The following SLC1A2 variants were observed in gnomAD, a reference collection of about 807,000 sequenced individuals.
SLC1A2 encodes solute carrier family 1 member 2.
In SLC1A2, 15 loss-of-function variants were observed where a neutral mutation model predicts 48.8. That is an observed-to-expected ratio of 0.31 (90% CI 0.21 to 0.47). SLC1A2 has a LOEUF of 0.47. Among genes scored for constraint, SLC1A2 ranks in the 20% least tolerant of loss-of-function variants. The probability of loss-of-function intolerance (pLI) is 0.99; values close to 1 mark genes in which losing one functional copy is unlikely to be tolerated. For synonymous variants in SLC1A2, 279 were observed against 272.6 expected (o/e 1.02, Z -0.23); for missense variants, 502 against 730.5 (o/e 0.69, Z 3.61).
At chr11:35,412,083 A>G (rs192153596) in intron 1 of SLC1A2, among the ~76,000 whole-genome samples, 2 of 151,874 alleles carry the variant, frequency 1.3e-5, no homozygotes, top group Admixed American at 6.5e-5. Flanking sequence ...CAAAGGAAGG[A>G]TCCATGAAAT....
At chr11:35,272,536 A>C (rs1376610619) in intron 9 of SLC1A2, among the ~76,000 whole-genome samples, 2 of 152,148 alleles carry the variant, frequency 1.3e-5, no homozygotes, top group Non-Finnish European at 2.9e-5. Flanking sequence ...GGAATGTCTG[A>C]CCAACTCTGG....
At chr11:35,281,087 G>C (rs1591422184) in intron 8 of SLC1A2, 86 bp from the exon 9 acceptor site, 1 of 1,435,982 alleles carries the variant, frequency 7.0e-7, no homozygotes. Flanking sequence ...TAATTTTCCT[G>C]CAGCCATAAA....
chr11:35,337,526 A>G (rs1003527506), intron 1 of SLC1A2, among the ~76,000 whole-genome samples: 2 of 152,146 alleles, frequency 1.3e-5, no homozygotes, highest in South Asian at 4.1e-4. Flanking sequence ...CACACTACTC[A>G]GTATGGATCC....
rs140740065 is a variant in SLC1A2, at chr11:35,384,102, T to C, written c.17+34848A>G. ...TTTGGTTGCTTGAAAGAGAAATACG[T>C]TCACCCTAGTGCAAATAAAAGAGGA... On this transcript the variant is annotated intron_variant, in intron 1 of 10. Coordinates refer to ENST00000278379, the MANE Select transcript of SLC1A2 (RefSeq NM_004171.4). 3.6e-3 allele frequency among the ~76,000 whole-genome samples: 553 copies of C among 152,286 alleles called. 5 individuals are homozygous for C. Among genetic ancestry groups the C allele is most frequent in the African/African-American group, 0.013 (524 of 41,560 alleles).
At chr11:35,305,759 A>G (rs985400298) in intron 5 of SLC1A2, among the ~76,000 whole-genome samples, 3 of 152,206 alleles carry the variant, frequency 2.0e-5, no homozygotes, top group African/African-American at 7.2e-5. Context: ...GTGTCACTTA[A>G]TAACACAGAG....
At chr11:35,331,217 C>G (rs920801364) in intron 1 of SLC1A2, among the ~76,000 whole-genome samples, 1 of 152,206 alleles carries the variant, frequency 6.6e-6, no homozygotes, top group East Asian at 1.9e-4. Flanking sequence ...GAAATGCAGA[C>G]CAAAGTAACA....
intron 1 of SLC1A2, chr11:35,380,233 G>A (rs1854378296): frequency 2.5e-6 from 1 of 396,856 alleles, no homozygotes; most frequent in African/African-American, 2.1e-5. Context: ...CTGCAGTCCT[G>A]TGAAATGAAA....
At chr11:35,281,061 T>C (rs546747729) in intron 8 of SLC1A2, 60 bp from the exon 9 acceptor site, 12 of 1,472,756 alleles carry the variant, frequency 8.1e-6, no homozygotes, top group African/African-American at 7.1e-5. Flanking sequence ...AAACCAACCC[T>C]GGCAATTTTA....
intron 4 of SLC1A2, among the ~76,000 whole-genome samples, chr11:35,310,287 C>G (rs536802483): frequency 6.6e-6 from 1 of 152,330 alleles, no homozygotes; most frequent in Non-Finnish European, 1.5e-5. Context: ...CCAGAATGCT[C>G]TTTCCAAAAT....
chr11:35,298,465 G>C (rs190059693), intron 6 of SLC1A2: 1 of 152,290 alleles, frequency 6.6e-6, no homozygotes, highest in African/African-American at 2.4e-5. Flanking sequence ...TTAAAGAGTA[G>C]TTGACTGTTT....
intron 1 of SLC1A2, among the ~76,000 whole-genome samples, chr11:35,417,336 T>A (rs909074879): frequency 1.3e-5 from 2 of 152,348 alleles, no homozygotes; most frequent in South Asian, 4.1e-4. Flanking sequence ...CCTCTCCTTC[T>A]CTATCTGGCC....
At chr11:35,286,110 A>C (rs1316435030) in intron 8 of SLC1A2, 1 of 152,256 alleles carries the variant, frequency 6.6e-6, no homozygotes, top group African/African-American at 2.4e-5. Context: ...TGGTGAGGCA[A>C]TGCATTTTTA....
Position 35,306,300 on chromosome 11 carries a change from A to G in SLC1A2, c.562-58T>C, listed in dbSNP as rs1851504845. ...GAGATTTGGCCTATAAGGTGAAAAA[A>G]AAAAAGATTGGCTACTCATATATTT... On this transcript the variant is annotated intron_variant, in intron 4 of 10. Transcript: ENST00000278379. 9 of 1,363,764 alleles carry G rather than the reference A, an allele frequency of 6.6e-6. No individual in the cohort carries two copies. The East Asian group carries it at 2.1e-4, about 32-fold the overall frequency. 84.5% of individuals were successfully genotyped at this position (1,363,764 alleles called of 1,614,324 possible).
At chr11:35,322,597 T>A in intron 1 of SLC1A2, 1 of 1,535,028 alleles carries the variant, frequency 6.5e-7, no homozygotes, top group Non-Finnish European at 8.7e-7. Flanking sequence ...CTCTCCTCCC[T>A]GGCCCCAGGC....
intron 9 of SLC1A2, among the ~76,000 whole-genome samples, chr11:35,278,317 C>G (rs1208048184): frequency 6.8e-6 from 1 of 146,418 alleles, no homozygotes; most frequent in Non-Finnish European, 1.5e-5. Flanking sequence ...CTCTTGTTGC[C>G]CAGGCTGGAG....
At chr11:35,369,680 T>C (rs906574922) in intron 1 of SLC1A2, among the ~76,000 whole-genome samples, 1 of 152,224 alleles carries the variant, frequency 6.6e-6, no homozygotes, top group Non-Finnish European at 1.5e-5. Context: ...ATTCAATACA[T>C]TTATTCTGAA....
intron 1 of SLC1A2, among the ~76,000 whole-genome samples, 154 bp from the exon 2 acceptor site, chr11:35,317,670 C>T (rs905012634): frequency 6.6e-6 from 1 of 152,170 alleles, no homozygotes; most frequent in African/African-American, 2.4e-5. Flanking sequence ...CACCTATAAG[C>T]AGGACAGGAG....
intron 8 of SLC1A2, among the ~76,000 whole-genome samples, chr11:35,283,975 C>A (rs1006651940): frequency 2.6e-5 from 4 of 150,982 alleles, no homozygotes; most frequent in Non-Finnish European, 4.4e-5. Context: ...GACTATAAGC[C>A]AGGCACCATG....
intron 1 of SLC1A2, among the ~76,000 whole-genome samples, chr11:35,334,805 T>C (rs1852562724): frequency 6.6e-6 from 1 of 151,132 alleles, no homozygotes; most frequent in Non-Finnish European, 1.5e-5. Flanking sequence ...AGAGTCTGGC[T>C]GGAGAGCAAT....
Sources: allele counts gnomAD v4.1 joint callset (sites outside exome capture counted in the v4.1 genomes callset), GRCh38; gene constraint gnomAD v4.1.1; transcripts MANE v1.5; gene names NCBI Gene and HGNC (gene_info 2026-07-23, HGNC 2026-07-21).